Variants in ATP6V1B2 observed in about 807,000 individuals in gnomAD.
ATP6V1B2 encodes V-type proton ATPase subunit B, brain isoform.
ATP6V1B2 carries 23 observed loss-of-function variants against 66.7 expected under a neutral mutation model. The observed-to-expected ratio is 0.34, with a 90% confidence interval of 0.25 to 0.49. ATP6V1B2 has a LOEUF of 0.49. Among genes scored for constraint, ATP6V1B2 ranks in the 20% least tolerant of loss-of-function variants. The pLI is 0.99. For synonymous variants in ATP6V1B2, 278 were observed against 236.7 expected, an observed-to-expected ratio of 1.17 and a Z score of -1.60; for missense variants, 478 against 650.8, an observed-to-expected ratio of 0.73 and a Z score of 2.89.
chr8:20,219,540 G>T, intron 13 of ATP6V1B2, among the ~76,000 whole-genome samples: 1 of 152,098 alleles, frequency 6.6e-6, no homozygotes, highest in East Asian at 1.9e-4. Flanking sequence ...TGGAATAAAT[G>T]CATCAGGCTG....
Position 20,212,887 on chromosome 8 carries a change from T to C in ATP6V1B2, c.909T>C (p.Tyr303=), listed in dbSNP as rs79792486. 70 of 1,613,598 alleles carry C rather than the reference T, an allele frequency of 4.3e-5. No individual in the cohort carries two copies. Among genetic ancestry groups the C allele is most frequent in the Middle Eastern group, 1.7e-4 (1 of 6,056 alleles). ...VLVILTDMSS[Y]AEALREVSAA... Reference sequence around the variant, plus strand: ...TTATTCTAACAGACATGAGTTCTTATGCTGAAGCACTTCGAGAGGTAAGTT... The same window carrying C: ...TTATTCTAACAGACATGAGTTCTTACGCTGAAGCACTTCGAGAGGTAAGTT... The change falls in exon 9 of 14, where the codon TAT becomes TAC. Residue 303 remains tyrosine (Y), a synonymous_variant. Coordinates refer to ENST00000276390, the MANE Select transcript of ATP6V1B2 (RefSeq NM_001693.4).
intron 13 of ATP6V1B2, among the ~76,000 whole-genome samples, chr8:20,218,667 T>C (rs1206410783): frequency 6.6e-6 from 1 of 152,168 alleles, no homozygotes; most frequent in Non-Finnish European, 1.5e-5. Context: ...CTTTTTCTCA[T>C]TTCTTACCTT....
intron 10 of ATP6V1B2, 46 bp from the exon 11 acceptor site, chr8:20,216,367 T>A: frequency 7.1e-6 from 11 of 1,550,704 alleles, no homozygotes; most frequent in Non-Finnish European, 9.8e-6. Context: ...TTAAAACTCA[T>A]AACCTAAAGA....
intron 1 of ATP6V1B2, among the ~76,000 whole-genome samples, chr8:20,199,604 G>T (rs867901662): frequency 1.0e-4 from 9 of 87,604 alleles, no homozygotes; most frequent in Admixed American, 1.6e-4. Context: ...ATTTTTGTGG[G>T]TTTTTTTTTT....
In ATP6V1B2 at chr8:20,216,815, G is replaced by T. The variant is rs1351711832; in HGVS notation, c.1161+320G>T. The T allele has an allele frequency of 1.1e-5, 3 of 265,504 alleles. No individual in the cohort carries two copies. The East Asian group carries it at 2.3e-4, about 20-fold the overall frequency. The allele number at this position is 265,504 out of a possible 1,614,324, so 16.4% of individuals were successfully genotyped here. Reference sequence around the variant, plus strand: ...TGATAGAAAAAAATGACTTTTCCATGCCTCTCTAGTAGATGCTGACTTCTA... The same window carrying T: ...TGATAGAAAAAAATGACTTTTCCATTCCTCTCTAGTAGATGCTGACTTCTA... On this transcript the variant is annotated intron_variant, in intron 11 of 13. Coordinates refer to ENST00000276390, the MANE Select transcript of ATP6V1B2 (RefSeq NM_001693.4).
At chr8:20,205,400 A>G (rs918901417) in intron 2 of ATP6V1B2, among the ~76,000 whole-genome samples, 1 of 152,164 alleles carries the variant, frequency 6.6e-6, no homozygotes, top group Non-Finnish European at 1.5e-5. Context: ...TATAGTGGAG[A>G]TGCAGATATA....
intron 5 of ATP6V1B2, 54 bp from the exon 6 acceptor site, chr8:20,211,123 A>G (rs910483709): frequency 1.3e-6 from 2 of 1,581,490 alleles, no homozygotes; most frequent in African/African-American, 1.4e-5. Flanking sequence ...ATCTAATTTC[A>G]TTCATGAATA....
chr8:20,214,259 C>G (rs13253777), intron 9 of ATP6V1B2: 58,781 of 152,200 alleles, frequency 0.39, 12,598 homozygotes, highest in African/African-American at 0.57. Flanking sequence ...TTGTGCAGTG[C>G]AATGGACTCC....
At chr8:20,204,683 T>TA in intron 2 of ATP6V1B2, 144 bp downstream of exon 2, 1 of 588,888 alleles carries the variant, frequency 1.7e-6, no homozygotes, top group Middle Eastern at 4.9e-4. Context: ...GATACCATGA[T>TA]ACCCTGGGCT....
intron 9 of ATP6V1B2, 125 bp downstream of exon 9, chr8:20,213,030 C>A: frequency 7.6e-7 from 1 of 1,307,282 alleles, no homozygotes; most frequent in Admixed American, 2.3e-5. Context: ...TAATAGAATG[C>A]CTTAATAAAT....
rs981894475 is a variant in ATP6V1B2, at chr8:20,220,665, T to C, written c.*263T>C. 15 of 355,248 alleles carry C rather than the reference T, an allele frequency of 4.2e-5. No homozygotes were observed. Among genetic ancestry groups the C allele is most frequent in the East Asian group, 1.6e-4 (3 of 18,662 alleles). 22.0% of individuals were successfully genotyped at this position (355,248 alleles called of 1,614,324 possible). A position where few individuals can be genotyped will look rare whatever the true frequency, so the allele number is the denominator to read the frequency against. On this transcript the variant is annotated 3_prime_UTR_variant, in exon 14 of 14. Transcript: ENST00000276390. Reference sequence around the variant, plus strand: ...GGCGTTTTCTTATTGCTGTATGTATTGTACATAGTGGAGTAGTTAGTTACC... The same window carrying C: ...GGCGTTTTCTTATTGCTGTATGTATCGTACATAGTGGAGTAGTTAGTTACC...
At chr8:20,199,635 G>C (rs541718572) in intron 1 of ATP6V1B2, among the ~76,000 whole-genome samples, 2 of 112,922 alleles carry the variant, frequency 1.8e-5, no homozygotes, top group African/African-American at 6.9e-5. Context: ...TTGAGATGGA[G>C]TCTCGCTCTG....
chr8:20,210,282 T>G, intron 3 of ATP6V1B2, 64 bp from the exon 4 acceptor site: 3 of 1,396,154 alleles, frequency 2.1e-6, no homozygotes, highest in Non-Finnish European at 3.0e-6. Context: ...AACAGACAAA[T>G]AAAATGTAAA....
intron 2 of ATP6V1B2, among the ~76,000 whole-genome samples, chr8:20,208,997 C>T (rs2072765100): frequency 6.6e-6 from 1 of 152,140 alleles, no homozygotes; most frequent in African/African-American, 2.4e-5. Context: ...GTGTGAGCCA[C>T]CGCGCCTAGC....
rs974720904 is a variant in ATP6V1B2, at chr8:20,201,869, G to A, written c.137-2615G>A. ...ATCTGGTGAGAGCCTTCTTTCTGGT[G>A]GGACTTGAAAGAGTCCCAGGGTGGT... On this transcript the variant is annotated intron_variant, in intron 1 of 13. Coordinates refer to ENST00000276390, the MANE Select transcript of ATP6V1B2 (RefSeq NM_001693.4). 8.5e-5 allele frequency among the ~76,000 whole-genome samples: 13 copies of A among 152,284 alleles called. No homozygotes were observed. In the East Asian group the frequency reaches 2.5e-3, roughly 30 times the overall value.
rs773111545 is a variant in ATP6V1B2, at chr8:20,211,146, G to C, written c.464-31G>C. 1.9e-6 allele frequency: 3 copies of C among 1,593,462 alleles called. No homozygotes were observed. In the East Asian group the frequency reaches 6.8e-5, roughly 36 times the overall value. ...TCATTCATGAATAATGCGGCAACTT[G>C]TTGAAATTTTCCTTTTTGGAAATAC... On this transcript the variant is annotated intron_variant, in intron 5 of 13. Transcript: ENST00000276390.
intron 2 of ATP6V1B2, 108 bp downstream of exon 2, chr8:20,204,647 C>G (rs966590644): frequency 3.3e-6 from 3 of 912,778 alleles, no homozygotes; most frequent in African/African-American, 1.7e-5. Context: ...ATACTTTAGA[C>G]TGGGTGTCAG....
intron 9 of ATP6V1B2, chr8:20,214,503 T>C (rs1251860719): frequency 1.1e-5 from 2 of 186,690 alleles, no homozygotes; most frequent in African/African-American, 4.7e-5. Flanking sequence ...CAAGAATCTT[T>C]TCTGTTTTAA....
intron 1 of ATP6V1B2, among the ~76,000 whole-genome samples, chr8:20,199,604 G>GTTTTTTTTTTT (rs11356003): frequency 2.3e-5 from 2 of 87,590 alleles, no homozygotes; most frequent in Non-Finnish European, 4.1e-5. Context: ...ATTTTTGTGG[G>GTTTTTTTTTTT]TTTTTTTTTT....
Sources: gnomAD v4.1 joint callset for allele counts (sites outside exome capture counted in the v4.1 genomes callset) on GRCh38, gnomAD v4.1.1 for gene constraint, MANE v1.5 for transcripts, NCBI Gene and HGNC (gene_info 2026-07-23, HGNC 2026-07-21) for gene names.